ATRNL1: variants seen among roughly 807,000 people sequenced by gnomAD.
ATRNL1 encodes the protein attractin like 1.
In ATRNL1, 95 loss-of-function variants were observed where a neutral mutation model predicts 182.7. The observed-to-expected ratio is 0.52, with a 90% confidence interval of 0.44 to 0.62. The LOEUF is 0.62. Ranked by LOEUF, ATRNL1 falls within the 20% of genes least tolerant of loss-of-function variation. The pLI is 0.00. For synonymous variants in ATRNL1, 576 were observed against 568.3 expected, an observed-to-expected ratio of 1.01 and a Z score of -0.19; for missense variants, 1,471 against 1,679.5, an observed-to-expected ratio of 0.88 and a Z score of 2.17.
intron 10 of ATRNL1, among the ~76,000 whole-genome samples, chr10:115,250,694 A>G (rs1023026659): frequency 2.6e-5 from 4 of 152,244 alleles, no homozygotes; most frequent in African/African-American, 9.6e-5. Flanking sequence ...CTTTTAATTC[A>G]GATGAGCTGT....
intron 28 of ATRNL1, among the ~76,000 whole-genome samples, chr10:115,925,904 A>T (rs67945700): frequency 0.16 from 23,809 of 152,178 alleles, 2,012 homozygotes; most frequent in Non-Finnish European, 0.19. Context: ...GCTCTGGATC[A>T]TGTGGACCTA....
chr10:115,295,993 G>C (rs1382783211), intron 15 of ATRNL1, among the ~76,000 whole-genome samples: 2 of 152,160 alleles, frequency 1.3e-5, no homozygotes, highest in Admixed American at 6.5e-5. Flanking sequence ...GGCTTGAGTA[G>C]GGAATGAGAA....
At chr10:115,311,679 C>A (rs1185715147) in intron 17 of ATRNL1, among the ~76,000 whole-genome samples, 1 of 152,090 alleles carries the variant, frequency 6.6e-6, no homozygotes, top group African/African-American at 2.4e-5. Context: ...TGACTTTCTG[C>A]TTTGATGATC....
intron 17 of ATRNL1, among the ~76,000 whole-genome samples, chr10:115,314,823 CCAA>C (rs1180133782): frequency 6.6e-6 from 1 of 152,048 alleles, no homozygotes; most frequent in Non-Finnish European, 1.5e-5. Context: ...AGACAAAAAA[CCAA>C]CAACAACAAA....
chr10:115,147,800 A>G (rs1554879725), intron 5 of ATRNL1, among the ~76,000 whole-genome samples: 3 of 151,910 alleles, frequency 2.0e-5, no homozygotes, highest in Non-Finnish European at 2.9e-5. Flanking sequence ...TTCTTTCACT[A>G]TTATGTTTCA....
intron 27 of ATRNL1, among the ~76,000 whole-genome samples, chr10:115,781,015 A>C (rs1949252711): frequency 6.6e-6 from 1 of 152,200 alleles, no homozygotes; most frequent in African/African-American, 2.4e-5. Flanking sequence ...TTTAAAAGGC[A>C]CAGTCAACTT....
At chr10:115,354,578 T>C (rs917498302) in intron 19 of ATRNL1, among the ~76,000 whole-genome samples, 2 of 152,190 alleles carry the variant, frequency 1.3e-5, no homozygotes, top group African/African-American at 4.8e-5. Flanking sequence ...CTCCTTTATA[T>C]GTTATTTACT....
chr10:115,335,355 A>AT (rs201851963), intron 19 of ATRNL1, among the ~76,000 whole-genome samples: 2,976 of 151,638 alleles, frequency 0.02, 46 homozygotes, highest in African/African-American at 0.045. Flanking sequence ...TGGTTAGATA[A>AT]TTTTTTTTTA....
At chr10:115,713,717 T>TATC (rs1555055456) in intron 26 of ATRNL1, among the ~76,000 whole-genome samples, 2 of 128,646 alleles carry the variant, frequency 1.6e-5, no homozygotes, top group African/African-American at 3.2e-5. Context: ...TCTATCTATC[T>TATC]ATCTATCTAT....
At chr10:115,579,933 T>C (rs76760029) in intron 26 of ATRNL1, among the ~76,000 whole-genome samples, 1 of 152,116 alleles carries the variant, frequency 6.6e-6, no homozygotes, top group African/African-American at 2.4e-5. Context: ...CTAATAGTTA[T>C]AACAGTCTCT....
chr10:115,766,103 T>A (rs185902916), intron 27 of ATRNL1, among the ~76,000 whole-genome samples: 17 of 152,332 alleles, frequency 1.1e-4, no homozygotes, highest in South Asian at 4.1e-4. Context: ...GAGATTTTTT[T>A]TAATTTGTTT....
chr10:115,173,407 T>A (rs1847370397), intron 8 of ATRNL1, among the ~76,000 whole-genome samples: 1 of 151,972 alleles, frequency 6.6e-6, no homozygotes, highest in Non-Finnish European at 1.5e-5. Flanking sequence ...TCACAAATAT[T>A]TGATAGGCAC....
At chr10:115,740,821 A>AACACACACACAC (rs1314938267) in intron 27 of ATRNL1, among the ~76,000 whole-genome samples, 1 of 57,204 alleles carries the variant, frequency 1.7e-5, no homozygotes, top group African/African-American at 4.2e-5. Context: ...TATCTCTTTA[A>AACACACACACAC]ACACACACAC....
rs1853840659 is a variant in ATRNL1 at position 115,308,355 on chromosome 10, A to G, written c.2818+6312A>G. Among the ~76,000 whole-genome samples, 3 of 152,236 alleles carry G rather than the reference A, an allele frequency of 2.0e-5. No individual in the cohort carries two copies. In the South Asian group the frequency reaches 6.2e-4, roughly 32 times the overall value. On this transcript the variant is annotated intron_variant, in intron 17 of 28. Transcript: ENST00000355044. ...AAGAAAAATAGGAGATTTAGTCCCAAATGTATAAAGGTTCAAATGAAAATT... is the reference window on the plus strand; with the variant it reads ...AAGAAAAATAGGAGATTTAGTCCCAGATGTATAAAGGTTCAAATGAAAATT...
intron 27 of ATRNL1, among the ~76,000 whole-genome samples, chr10:115,826,629 G>T (rs1950439864): frequency 6.6e-6 from 1 of 152,160 alleles, no homozygotes; most frequent in African/African-American, 2.4e-5. Flanking sequence ...TGAAGTCACG[G>T]ACACCGGAGA....
chr10:115,300,026 G>A lies in ATRNL1; in HGVS notation c.2416-8G>A, dbSNP rs201829469. On this transcript the variant is annotated splice_polypyrimidine_tract_variant and splice_region_variant and intron_variant, in intron 15 of 28. Coordinates refer to ENST00000355044, the MANE Select transcript of ATRNL1 (RefSeq NM_207303.4). Reference sequence around the variant, plus strand: ...TTCTTTGAATGCCCCTTTTCCTGTTGTTTACAGAAAGTATCACCTTGGGTA... The same window carrying A: ...TTCTTTGAATGCCCCTTTTCCTGTTATTTACAGAAAGTATCACCTTGGGTA... The A allele has an allele frequency of 1.9e-6, 3 of 1,598,312 alleles. No individual in the cohort carries two copies. Among genetic ancestry groups the A allele is most frequent in the East Asian group, 4.5e-5 (2 of 44,412 alleles).
intron 10 of ATRNL1, among the ~76,000 whole-genome samples, chr10:115,251,581 A>G (rs1475237299): frequency 6.6e-6 from 1 of 152,104 alleles, no homozygotes; most frequent in Admixed American, 6.5e-5. Flanking sequence ...TAGTGATGCT[A>G]GTGTCTCTCC....
chr10:115,560,935 G>A (rs1003605089), intron 26 of ATRNL1, among the ~76,000 whole-genome samples: 6 of 152,114 alleles, frequency 3.9e-5, no homozygotes, highest in African/African-American at 2.4e-5. Context: ...ATGGGGCTAG[G>A]CAACTGGGTA....
At chr10:115,326,704 C>CA (rs1854906051) in intron 18 of ATRNL1, among the ~76,000 whole-genome samples, 1 of 151,874 alleles carries the variant, frequency 6.6e-6, no homozygotes, top group African/African-American at 2.4e-5. Flanking sequence ...CTACAGTAAC[C>CA]AAAACAGCAT....
Sources: gnomAD v4.1 joint callset for allele counts (sites outside exome capture counted in the v4.1 genomes callset) on GRCh38, gnomAD v4.1.1 for gene constraint, MANE v1.5 for transcripts, NCBI Gene and HGNC (gene_info 2026-07-23, HGNC 2026-07-21) for gene names.